BAZ1A: variants seen among roughly 807,000 people sequenced by gnomAD.
BAZ1A encodes bromodomain adjacent to zinc finger domain 1A.
In BAZ1A, 50 loss-of-function variants were observed where a neutral mutation model predicts 185.2. The ratio of observed to expected loss-of-function variants is 0.27; its 90% CI spans 0.22 to 0.34. The LOEUF is 0.34. Among genes scored for constraint, BAZ1A ranks in the 10% least tolerant of loss-of-function variants. The pLI is 1.00. For synonymous variants in BAZ1A, 571 were observed against 615.6 expected, an observed-to-expected ratio of 0.93 and a Z score of 1.07; for missense variants, 1,356 against 1,839.9, an observed-to-expected ratio of 0.74 and a Z score of 4.81.
At position 34,762,052 on chromosome 14, in the gene BAZ1A, T is replaced by C. The variant is rs2138545786; in HGVS notation, c.3948A>G (p.Arg1316=). Residue 1316 remains arginine (R), a synonymous_variant, in exon 24 of 27, where the codon AGA becomes AGG. Transcript: ENST00000360310. ...CTGTAGGAGGAGCAGAGTTTATCTT[T>C]CTTAGGCTTCTACCAGTTTTAGAAG... ...TVSSKTGRSL[R]KINSAPPTET... The C allele has an allele frequency of 1.1e-5, 18 of 1,614,204 alleles. No individual in the cohort carries two copies. Among genetic ancestry groups the C allele is most frequent in the Non-Finnish European group, 1.5e-5 (18 of 1,180,048 alleles).
chr14:34,769,380 A>C (rs1331206822), intron 21 of BAZ1A, among the ~76,000 whole-genome samples: 1 of 152,176 alleles, frequency 6.6e-6, no homozygotes, highest in African/African-American at 2.4e-5. Context: ...CAAAGTAACA[A>C]ACTTTTCTTA....
intron 14 of BAZ1A, among the ~76,000 whole-genome samples, chr14:34,784,783 A>T (rs962492330): frequency 6.6e-6 from 1 of 151,770 alleles, no homozygotes; most frequent in Non-Finnish European, 1.5e-5. Context: ...CTCCCAAAGT[A>T]CTGGGATTAC....
chr14:34,768,529 C>G (rs1432166413), intron 21 of BAZ1A, among the ~76,000 whole-genome samples: 2 of 152,064 alleles, frequency 1.3e-5, no homozygotes, highest in Non-Finnish European at 2.9e-5. Flanking sequence ...TAGGAAGATA[C>G]TATTTTAAGC....
At chr14:34,854,116 G>A (rs943612836) in intron 3 of BAZ1A, among the ~76,000 whole-genome samples, 5 of 152,162 alleles carry the variant, frequency 3.3e-5, no homozygotes, top group African/African-American at 9.7e-5. Flanking sequence ...TATATGATGC[G>A]GAACTCAGGA....
In BAZ1A at chr14:34,862,200, T is replaced by C. The variant is rs751642982; in HGVS notation, c.236A>G (p.Gln79Arg). The change falls in exon 3 of 27, where the codon CAG (glutamine) becomes CGG (arginine). Residue 79 changes from glutamine to arginine, a missense_variant. Physicochemically the swap from Gln to Arg is conservative, Grantham distance 43. This residue lies in a region of BAZ1A where 332 missense variants were observed against 395.3 expected (regional missense o/e 0.84). Transcript: ENST00000360310. ...ESEKKARQNLQSFPEPLIIPV... is the reference protein window; with the variant it reads ...ESEKKARQNLRSFPEPLIIPV... ...AATAATTAGTGGTTCTGGAAAACTC[T>C]GAAGATTCTGTCTTGCTTTTTTTTC... 1 of 1,614,202 alleles carries C rather than the reference T, an allele frequency of 6.2e-7. No individual in the cohort carries two copies. Among genetic ancestry groups the C allele is most frequent in the East Asian group, 2.2e-5 (1 of 44,886 alleles).
intron 4 of BAZ1A, among the ~76,000 whole-genome samples, chr14:34,820,727 A>AC (rs1477909681): frequency 6.6e-6 from 1 of 150,490 alleles, no homozygotes; most frequent in Non-Finnish European, 1.5e-5. Context: ...TTTTGAGTTA[A>AC]TTTTTGTAAA....
intron 21 of BAZ1A, among the ~76,000 whole-genome samples, chr14:34,767,408 GC>G (rs1349796332): frequency 6.6e-6 from 1 of 152,128 alleles, no homozygotes; most frequent in Non-Finnish European, 1.5e-5. Context: ...AAACTAGCCA[GC>G]CGTGGTTGCA....
intron 2 of BAZ1A, among the ~76,000 whole-genome samples, chr14:34,863,966 G>A (rs1594914606): frequency 6.6e-6 from 1 of 151,840 alleles, no homozygotes; most frequent in East Asian, 1.9e-4. Context: ...TGGGACTACA[G>A]GTGCACACCA....
intron 6 of BAZ1A, among the ~76,000 whole-genome samples, chr14:34,804,075 T>G (rs1258804047): frequency 6.6e-6 from 1 of 152,198 alleles, no homozygotes; most frequent in Non-Finnish European, 1.5e-5. Flanking sequence ...TGGCATGATC[T>G]CGGCTCACTG....
At position 34,762,231 on chromosome 14, in the gene BAZ1A, T is replaced by C; in HGVS notation, c.3777-8A>G. On this transcript the variant is annotated splice_region_variant and splice_polypyrimidine_tract_variant and intron_variant, in intron 23 of 26. Transcript: ENST00000360310. ...CTTCCTCGTTTGGGTAGGCTATAAA[T>C]ATTGTTAGAAAACACAATTATTGTA... 1 of 1,610,998 alleles carries C rather than the reference T, an allele frequency of 6.2e-7. No homozygotes were observed. Among genetic ancestry groups the C allele is most frequent in the Non-Finnish European group, 8.5e-7 (1 of 1,178,212 alleles).
At chr14:34,776,548 A>C (rs779428807) in intron 17 of BAZ1A, 33 bp from the exon 18 acceptor site, 29 of 1,507,704 alleles carry the variant, frequency 1.9e-5, no homozygotes, top group Non-Finnish European at 2.5e-5. Flanking sequence ...CATCATCATC[A>C]TATTTCAAGT....
chr14:34,786,659 G>C (rs1390347185), intron 12 of BAZ1A: 2 of 135,680 alleles, frequency 1.5e-5, no homozygotes, highest in African/African-American at 2.8e-5. Flanking sequence ...CCAGGCTGGA[G>C]TGCAGTGGCA....
chr14:34,864,845 T>C (rs1344891618), intron 2 of BAZ1A, among the ~76,000 whole-genome samples: 1 of 142,082 alleles, frequency 7.0e-6, no homozygotes. Context: ...GGCATGATCT[T>C]GGCTCACTGC....
chr14:34,761,603 T>A (rs567474854), intron 24 of BAZ1A, among the ~76,000 whole-genome samples, 154 bp downstream of exon 24: 1 of 152,336 alleles, frequency 6.6e-6, no homozygotes, highest in Non-Finnish European at 1.5e-5. Flanking sequence ...TAGTTGCCCC[T>A]TCAATGACTA....
intron 3 of BAZ1A, among the ~76,000 whole-genome samples, chr14:34,838,652 G>A (rs2042365534): frequency 6.6e-6 from 1 of 151,800 alleles, no homozygotes; most frequent in Non-Finnish European, 1.5e-5. Flanking sequence ...AGCCTCCCAA[G>A]TTGCTGGAAT....
intron 3 of BAZ1A, among the ~76,000 whole-genome samples, chr14:34,856,985 T>C (rs866541696): frequency 6.6e-6 from 1 of 151,502 alleles, no homozygotes; most frequent in Admixed American, 6.6e-5. Flanking sequence ...GATACATTAC[T>C]TCCTGAGGCT....
chr14:34,863,691 A>C (rs186739505), intron 2 of BAZ1A, among the ~76,000 whole-genome samples: 120 of 152,322 alleles, frequency 7.9e-4, no homozygotes, highest in Middle Eastern at 3.4e-3. Context: ...TGAATCAATG[A>C]ATACACAATC....
intron 4 of BAZ1A, among the ~76,000 whole-genome samples, chr14:34,822,376 C>T (rs1352371858): frequency 6.6e-6 from 1 of 152,030 alleles, no homozygotes; most frequent in Non-Finnish European, 1.5e-5. Context: ...GTAATCCCAA[C>T]ACTTTAGGAG....
At chr14:34,791,769 T>C (rs919340291) in intron 12 of BAZ1A, among the ~76,000 whole-genome samples, 2 of 152,240 alleles carry the variant, frequency 1.3e-5, no homozygotes, top group Non-Finnish European at 2.9e-5. Flanking sequence ...AAATCTCATA[T>C]ATGGCAAAGC....
Sources: allele counts gnomAD v4.1 joint callset (sites outside exome capture counted in the v4.1 genomes callset), GRCh38; gene constraint gnomAD v4.1.1; regional missense constraint gnomAD v4.1.1; transcripts MANE v1.5; gene names NCBI Gene and HGNC (gene_info 2026-07-23, HGNC 2026-07-21).